Variants in ATP6V1C1 observed in about 807,000 individuals in gnomAD.
ATP6V1C1 encodes ATPase H+ transporting V1 subunit C1, also known as V-type proton ATPase subunit C 1.
Under a neutral mutation model 53.9 loss-of-function variants are expected in ATP6V1C1, and 45 were observed. The ratio of observed to expected loss-of-function variants is 0.83; its 90% CI spans 0.66 to 1.07. ATP6V1C1 has a LOEUF of 1.07. ATP6V1C1 is among the 50% of genes least tolerant of loss of function. The pLI, the probability that ATP6V1C1 is intolerant of heterozygous loss-of-function variation, is 0.00. For synonymous variants in ATP6V1C1, 153 were observed against 155.2 expected (o/e 0.99, Z 0.11); for missense variants, 315 against 440.3 (o/e 0.72, Z 2.55).
At chr8:103,051,923 T>C (rs1008524479) in intron 5 of ATP6V1C1, among the ~76,000 whole-genome samples, 2 of 152,130 alleles carry the variant, frequency 1.3e-5, no homozygotes, top group Non-Finnish European at 2.9e-5. Flanking sequence ...ACTTTAGTTA[T>C]GCGGTGTGCT....
At chr8:103,049,879 C>T (rs1398762640) in intron 4 of ATP6V1C1, among the ~76,000 whole-genome samples, 1 of 152,040 alleles carries the variant, frequency 6.6e-6, no homozygotes, top group Non-Finnish European at 1.5e-5. Flanking sequence ...ATTGCTTGAG[C>T]CCAGGAGTTC....
chr8:103,048,806 A>C, intron 3 of ATP6V1C1, 64 bp from the exon 4 acceptor site: 1 of 1,372,216 alleles, frequency 7.3e-7, no homozygotes, highest in Admixed American at 1.7e-5. Flanking sequence ...TAATATGTTC[A>C]TTGTATAGAA....
intron 1 of ATP6V1C1, among the ~76,000 whole-genome samples, chr8:103,032,445 T>G (rs1194623076): frequency 6.6e-6 from 1 of 152,016 alleles, no homozygotes; most frequent in African/African-American, 2.4e-5. Context: ...TGGAAAACAG[T>G]TTGTCAGTCT....
chr8:103,055,056 G>A (rs188683614), intron 7 of ATP6V1C1, among the ~76,000 whole-genome samples: 99 of 152,110 alleles, frequency 6.5e-4, no homozygotes, highest in Admixed American at 6.1e-3. Flanking sequence ...ATTTTATTTT[G>A]TGTTCTAGTT....
intron 3 of ATP6V1C1, among the ~76,000 whole-genome samples, chr8:103,042,935 C>A (rs1365515421): frequency 6.6e-6 from 1 of 152,150 alleles, no homozygotes; most frequent in Admixed American, 6.5e-5. Context: ...TATTTCATTT[C>A]TTTTTATTAC....
At chr8:103,026,805 T>C (rs1482456920) in intron 1 of ATP6V1C1, among the ~76,000 whole-genome samples, 2 of 152,180 alleles carry the variant, frequency 1.3e-5, no homozygotes, top group Non-Finnish European at 1.5e-5. Flanking sequence ...AGAGTGAGAC[T>C]CCGTCTCCAA....
chr8:103,063,266 C>T, intron 10 of ATP6V1C1, 38 bp downstream of exon 10: 1 of 1,343,622 alleles, frequency 7.4e-7, no homozygotes, highest in Non-Finnish European at 1.0e-6. Context: ...CAGTACTAAG[C>T]AGAAGAAAAA....
chr8:103,031,461 G>A (rs950878586), intron 1 of ATP6V1C1, among the ~76,000 whole-genome samples: 7 of 152,176 alleles, frequency 4.6e-5, no homozygotes, highest in African/African-American at 1.7e-4. Context: ...AGAGGGGAAG[G>A]GGAGCAGGAG....
At chr8:103,058,983 A>AT (rs367688530) in intron 8 of ATP6V1C1, among the ~76,000 whole-genome samples, 10,255 of 137,470 alleles carry the variant, frequency 0.075, 969 homozygotes, top group African/African-American at 0.23. Context: ...CCACTTTCCT[A>AT]TTTTTTTTTT....
intron 12 of ATP6V1C1, among the ~76,000 whole-genome samples, chr8:103,068,446 G>C (rs572074944): frequency 6.6e-6 from 1 of 152,284 alleles, no homozygotes; most frequent in East Asian, 1.9e-4. Context: ...ACCACTCACT[G>C]TCTGTGTTTC....
chr8:103,026,031 C>G (rs1161993055), intron 1 of ATP6V1C1, among the ~76,000 whole-genome samples: 2 of 150,336 alleles, frequency 1.3e-5, no homozygotes, highest in Non-Finnish European at 1.5e-5. Context: ...AGTGTAGATT[C>G]AGGGAATCCC....
intron 3 of ATP6V1C1, among the ~76,000 whole-genome samples, chr8:103,045,552 A>G (rs1200240878): frequency 6.6e-6 from 1 of 152,196 alleles, no homozygotes; most frequent in Admixed American, 6.5e-5. Flanking sequence ...ATTATTATGA[A>G]TTATTATAAA....
chr8:103,023,301 G>C (rs60892495), intron 1 of ATP6V1C1, among the ~76,000 whole-genome samples: 1,577 of 144,136 alleles, frequency 0.011, 31 homozygotes, highest in African/African-American at 0.035. Flanking sequence ...TTTTTTTGGT[G>C]GGGGGGAGAT....
At chr8:103,043,205 T>A (rs1018749718) in intron 3 of ATP6V1C1, among the ~76,000 whole-genome samples, 8 of 152,224 alleles carry the variant, frequency 5.3e-5, no homozygotes, top group Non-Finnish European at 1.0e-4. Flanking sequence ...CGTGTAATAT[T>A]CCCGCCGGCA....
chr8:103,055,482 G>C (rs1441510042), intron 7 of ATP6V1C1, among the ~76,000 whole-genome samples: 1 of 151,832 alleles, frequency 6.6e-6, no homozygotes, highest in African/African-American at 2.4e-5. Context: ...TTTTTTTTCA[G>C]TCCTTCATAA....
At chr8:103,045,707 C>T (rs1227892434) in intron 3 of ATP6V1C1, among the ~76,000 whole-genome samples, 4 of 152,044 alleles carry the variant, frequency 2.6e-5, no homozygotes, top group Non-Finnish European at 5.9e-5. Context: ...TTTGGGAGGC[C>T]AAGGTGGGCG....
chr8:103,064,629 ATAGG>A (rs1189822430), intron 10 of ATP6V1C1, 81 bp from the exon 11 acceptor site: 3 of 1,006,342 alleles, frequency 3.0e-6, no homozygotes, highest in Admixed American at 2.5e-5. Flanking sequence ...TAGATTCCTA[ATAGG>A]TAGTCACTTA....
At chr8:103,034,237 A>G (rs1435461742) in intron 1 of ATP6V1C1, among the ~76,000 whole-genome samples, 1 of 152,148 alleles carries the variant, frequency 6.6e-6, no homozygotes, top group African/African-American at 2.4e-5. Flanking sequence ...AGAAACTACG[A>G]TTTAATCAGG....
intron 12 of ATP6V1C1, 24 bp downstream of exon 12, chr8:103,066,471 A>G: frequency 6.6e-7 from 1 of 1,525,130 alleles, no homozygotes; most frequent in South Asian, 1.3e-5. Context: ...AGCCCAGTAG[A>G]GTAAGAATTG....
Sources: allele counts gnomAD v4.1 joint callset (sites outside exome capture counted in the v4.1 genomes callset), GRCh38; gene constraint gnomAD v4.1.1; transcripts MANE v1.5; gene names NCBI Gene and HGNC (gene_info 2026-07-23, HGNC 2026-07-21).